The following CHSY3 variants were observed in gnomAD, a reference collection of about 807,000 sequenced individuals.
CHSY3 encodes chondroitin sulfate synthase 3.
Under a neutral mutation model 67.2 loss-of-function variants are expected in CHSY3, and 35 were observed. The ratio of observed to expected loss-of-function variants is 0.52; its 90% CI spans 0.40 to 0.69. CHSY3 has a LOEUF of 0.69. Ranked by LOEUF, CHSY3 falls within the 30% of genes least tolerant of loss-of-function variation. CHSY3 has a pLI of 0.00. For missense variants in CHSY3, 1,069 were observed against 1,138.5 expected (o/e 0.94, Z 0.88); for synonymous variants, 474 against 434.7 (o/e 1.09, Z -1.12).
chr5:130,069,663 T>C (rs1765997717), intron 2 of CHSY3, among the ~76,000 whole-genome samples: 1 of 152,082 alleles, frequency 6.6e-6, no homozygotes, highest in Admixed American at 6.6e-5. Context: ...TATTATATCA[T>C]ATATGATTTG....
At chr5:130,036,952 A>C (rs1473867056) in intron 2 of CHSY3, among the ~76,000 whole-genome samples, 1 of 152,158 alleles carries the variant, frequency 6.6e-6, no homozygotes, top group African/African-American at 2.4e-5. Flanking sequence ...GATCAGCTTG[A>C]GGAAAGATAC....
At chr5:129,946,894 G>T (rs1487859019) in intron 2 of CHSY3, among the ~76,000 whole-genome samples, 1 of 152,118 alleles carries the variant, frequency 6.6e-6, no homozygotes, top group Non-Finnish European at 1.5e-5. Flanking sequence ...TGAACATGCA[G>T]ATATCTCTAG....
intron 2 of CHSY3, among the ~76,000 whole-genome samples, chr5:130,144,252 A>G (rs928264697): frequency 8.5e-5 from 13 of 152,264 alleles, no homozygotes; most frequent in African/African-American, 3.1e-4. Flanking sequence ...CAAGTGGAGC[A>G]AGATGGCTGA....
chr5:130,180,745 C>T (rs2149737194), intron 2 of CHSY3, among the ~76,000 whole-genome samples: 1 of 152,174 alleles, frequency 6.6e-6, no homozygotes, highest in South Asian at 2.1e-4. Context: ...GTCCTAGCTA[C>T]TCAGGAGGCT....
intron 2 of CHSY3, among the ~76,000 whole-genome samples, chr5:130,008,495 G>T (rs1763949383): frequency 6.6e-6 from 1 of 152,192 alleles, no homozygotes; most frequent in South Asian, 2.1e-4. Context: ...CAACATCAAA[G>T]ATTAAAGGAA....
At chr5:130,023,585 G>A (rs1173680354) in intron 2 of CHSY3, among the ~76,000 whole-genome samples, 1 of 151,960 alleles carries the variant, frequency 6.6e-6, no homozygotes, top group Non-Finnish European at 1.5e-5. Flanking sequence ...ACCAAGGTTC[G>A]GTGAGAGCTA....
At chr5:130,128,679 A>G (rs1216323052) in intron 2 of CHSY3, among the ~76,000 whole-genome samples, 1 of 152,160 alleles carries the variant, frequency 6.6e-6, no homozygotes, top group Non-Finnish European at 1.5e-5. Flanking sequence ...ACAAAAAATG[A>G]TAATAAAAGG....
In CHSY3 at chr5:130,125,080, C is replaced by T. The variant is rs546863089; in HGVS notation, c.1087-59149C>T. Among the ~76,000 whole-genome samples the T allele has an allele frequency of 2.6e-5, 4 of 152,010 alleles. No homozygotes were observed. In the South Asian group the frequency reaches 6.2e-4, roughly 24 times the overall value. ...AGAATTGCTTGAGCTCGGGAGTTCT[C>T]GAACTCCTGCAGAGATTACAGAAGG... On this transcript the variant is annotated intron_variant, in intron 2 of 2. Transcript: ENST00000305031.
intron 2 of CHSY3, among the ~76,000 whole-genome samples, chr5:129,961,857 C>G (rs1580585783): frequency 6.6e-6 from 1 of 151,962 alleles, no homozygotes; most frequent in African/African-American, 2.4e-5. Flanking sequence ...CAGATCTTCT[C>G]TATTCTCATG....
chr5:129,987,966 CAG>C (rs1214458701), intron 2 of CHSY3, among the ~76,000 whole-genome samples: 4 of 152,082 alleles, frequency 2.6e-5, no homozygotes, highest in Non-Finnish European at 4.4e-5. Context: ...GTTTTTCTTG[CAG>C]TGTGCCATGA....
At chr5:130,002,818 A>AT (rs1351818975) in intron 2 of CHSY3, among the ~76,000 whole-genome samples, 7 of 151,554 alleles carry the variant, frequency 4.6e-5, no homozygotes, top group African/African-American at 1.2e-4. Flanking sequence ...ATTAAGCTTG[A>AT]TTTTTTTCCC....
At chr5:130,165,794 T>A (rs1769729732) in intron 2 of CHSY3, among the ~76,000 whole-genome samples, 1 of 152,108 alleles carries the variant, frequency 6.6e-6, no homozygotes, top group South Asian at 2.1e-4. Context: ...TATTTTTTCC[T>A]TATAAATGGC....
intron 2 of CHSY3, among the ~76,000 whole-genome samples, chr5:129,961,929 A>G (rs559463574): frequency 1.9e-4 from 29 of 152,070 alleles, no homozygotes; most frequent in African/African-American, 7.0e-4. Context: ...GAAGAAAATA[A>G]AAGTCATTTG....
At chr5:129,988,957 C>T (rs887883702) in intron 2 of CHSY3, among the ~76,000 whole-genome samples, 2 of 152,186 alleles carry the variant, frequency 1.3e-5, no homozygotes, top group Non-Finnish European at 2.9e-5. Flanking sequence ...TACTGCTTCA[C>T]ATCTGGCATA....
chr5:129,997,571 A>G (rs1763579345), intron 2 of CHSY3, among the ~76,000 whole-genome samples: 1 of 152,048 alleles, frequency 6.6e-6, no homozygotes, highest in East Asian at 1.9e-4. Flanking sequence ...GGTTTGTTAC[A>G]TAGATATACA....
intron 2 of CHSY3, among the ~76,000 whole-genome samples, chr5:129,926,610 C>CTT (rs139482315): frequency 1.3e-5 from 2 of 150,710 alleles, no homozygotes; most frequent in African/African-American, 4.9e-5. Flanking sequence ...TTTGGTTTCC[C>CTT]TTTTTTTTTA....
chr5:130,158,214 C>G (rs755894503), intron 2 of CHSY3, among the ~76,000 whole-genome samples: 5 of 152,144 alleles, frequency 3.3e-5, no homozygotes, highest in Non-Finnish European at 5.9e-5. Flanking sequence ...AGGTCTCAGC[C>G]TTATTTTATC....
At chr5:129,920,394 C>T (rs938410636) in intron 2 of CHSY3, among the ~76,000 whole-genome samples, 5 of 152,162 alleles carry the variant, frequency 3.3e-5, no homozygotes, top group Non-Finnish European at 5.9e-5. Flanking sequence ...TACAGACATG[C>T]GCCACTACAT....
At chr5:130,028,735 C>T (rs1326214919) in intron 2 of CHSY3, among the ~76,000 whole-genome samples, 1 of 151,994 alleles carries the variant, frequency 6.6e-6, no homozygotes, top group African/African-American at 2.4e-5. Flanking sequence ...CTGTCATTCT[C>T]TCTCTTATTA....
Sources: gnomAD v4.1 joint callset for allele counts (sites outside exome capture counted in the v4.1 genomes callset) on GRCh38, gnomAD v4.1.1 for gene constraint, MANE v1.5 for transcripts, NCBI Gene and HGNC (gene_info 2026-07-23, HGNC 2026-07-21) for gene names.